Variants in AR observed in about 807,000 individuals in gnomAD.
AR encodes dihydrotestosterone receptor.
In AR, 8 loss-of-function variants were observed where a neutral mutation model predicts 53.9. The ratio of observed to expected loss-of-function variants is 0.15; its 90% confidence interval spans 0.09 to 0.27. The LOEUF is 0.27. Ranked by LOEUF, AR falls within the 10% of genes least tolerant of loss-of-function variation. AR has a pLI of 1.00. For missense variants in AR, 639 were observed against 742.5 expected, an observed-to-expected ratio of 0.86 and a Z score of 1.62; for synonymous variants, 359 against 316.4, an observed-to-expected ratio of 1.13 and a Z score of -1.43.
chrX:67,628,858 T>C (rs1924873469), intron 1 of AR, among the ~76,000 whole-genome samples: 1 of 111,850 alleles, frequency 8.9e-6, no homozygotes, highest in Non-Finnish European at 1.9e-5. Flanking sequence ...CGTTATTGAA[T>C]TTTGTCAAAG....
At chrX:67,555,313 A>T (rs896892411) in intron 1 of AR, among the ~76,000 whole-genome samples, 2 of 112,003 alleles carry the variant, frequency 1.8e-5, no homozygotes, top group African/African-American at 6.5e-5. Context: ...TAGATTAAAG[A>T]TCTTGATGTA....
intron 1 of AR, among the ~76,000 whole-genome samples, chrX:67,642,929 A>C (rs1433456222): frequency 8.9e-6 from 1 of 111,781 alleles, no homozygotes; most frequent in Non-Finnish European, 1.9e-5. Flanking sequence ...AATTAGTCTG[A>C]AAATGTTGCC....
chrX:67,578,542 A>G (rs1922154411), intron 1 of AR, among the ~76,000 whole-genome samples: 1 of 111,909 alleles, frequency 8.9e-6, no homozygotes, highest in Non-Finnish European at 1.9e-5. Context: ...TTAGTTTCAA[A>G]TAGTGGTTTT....
chrX:67,582,122 C>A (rs1922325204), intron 1 of AR, among the ~76,000 whole-genome samples: 1 of 112,167 alleles, frequency 8.9e-6, no homozygotes, highest in South Asian at 3.7e-4. Context: ...AGTATCATAT[C>A]TATTTTGCAA....
intron 1 of AR, among the ~76,000 whole-genome samples, chrX:67,580,235 C>A (rs755969914): frequency 1.8e-4 from 20 of 110,124 alleles, no homozygotes; most frequent in Non-Finnish European, 3.2e-4. Flanking sequence ...TCTGACCAAA[C>A]CCTAACGAAA....
At chrX:67,663,115 C>T (rs1285172605) in intron 2 of AR, among the ~76,000 whole-genome samples, 4 of 111,487 alleles carry the variant, frequency 3.6e-5, no homozygotes, top group Admixed American at 2.9e-4. Context: ...GAGCATTTAG[C>T]CCATTTACAT....
chrX:67,594,498 A>C (rs1922990240), intron 1 of AR, among the ~76,000 whole-genome samples: 1 of 112,507 alleles, frequency 8.9e-6, no homozygotes, highest in Non-Finnish European at 1.9e-5. Flanking sequence ...AGCACTAATT[A>C]AAACAAAAAC....
intron 1 of AR, among the ~76,000 whole-genome samples, chrX:67,591,671 G>A (rs1397087947): frequency 9.0e-6 from 1 of 111,235 alleles, no homozygotes; most frequent in East Asian, 2.9e-4. Context: ...TTATGTCTTA[G>A]AATCAATTAA....
chrX:67,708,582 G>T (rs964240103), intron 3 of AR, among the ~76,000 whole-genome samples: 1 of 111,503 alleles, frequency 9.0e-6, no homozygotes, highest in Non-Finnish European at 1.9e-5. Flanking sequence ...TTTGCGATGG[G>T]TTCAAACTTC....
At chrX:67,611,428 T>C (rs1198592426) in intron 1 of AR, among the ~76,000 whole-genome samples, 1 of 111,984 alleles carries the variant, frequency 8.9e-6, no homozygotes, top group East Asian at 2.8e-4. Context: ...GCTTTTCATC[T>C]GTTTCTTATT....
intron 2 of AR, among the ~76,000 whole-genome samples, chrX:67,651,975 A>G (rs771347637): frequency 5.4e-5 from 6 of 111,573 alleles, no homozygotes; most frequent in Non-Finnish European, 9.4e-5. Context: ...TGACCAAGCT[A>G]AAGAAAGAGC....
At chrX:67,583,968 A>G (rs759310364) in intron 1 of AR, among the ~76,000 whole-genome samples, 13 of 112,309 alleles carry the variant, frequency 1.2e-4, no homozygotes, top group Non-Finnish European at 2.3e-4. Context: ...CTGCTTATTC[A>G]CATAGTAAAC....
At chrX:67,597,124 CT>C (rs911490640) in intron 1 of AR, among the ~76,000 whole-genome samples, 16 of 111,667 alleles carry the variant, frequency 1.4e-4, no homozygotes, top group Non-Finnish European at 2.4e-4. Context: ...AGTCAAAAAC[CT>C]TTTTTTGCAC....
intron 3 of AR, among the ~76,000 whole-genome samples, chrX:67,706,109 T>C (rs2147518566): frequency 8.9e-6 from 1 of 111,796 alleles, no homozygotes; most frequent in Non-Finnish European, 1.9e-5. Context: ...AAAATTCTCT[T>C]TTTTTGTTGT....
At chrX:67,619,121 T>C (rs1185598576) in intron 1 of AR, among the ~76,000 whole-genome samples, 1 of 111,397 alleles carries the variant, frequency 9.0e-6, no homozygotes, top group African/African-American at 3.3e-5. Context: ...CAGAGGATTC[T>C]AATATATCAG....
At chrX:67,680,761 A>G (rs2075928566) in intron 2 of AR, 1 of 329,647 alleles carries the variant, frequency 3.0e-6, no homozygotes, top group African/African-American at 2.6e-5. Flanking sequence ...ATAATCAGAC[A>G]CTAACCCCAA....
intron 3 of AR, among the ~76,000 whole-genome samples, chrX:67,703,762 A>G (rs888856217): frequency 8.1e-5 from 9 of 111,369 alleles, no homozygotes; most frequent in African/African-American, 2.6e-4. Flanking sequence ...CCTTATTTAC[A>G]TTAAGTATAT....
rs201608270 is a variant in AR at position 67,711,529 on chromosome X, G to C, written c.2013G>C (p.Gln671His). Residue 671 changes from glutamine to histidine, a missense_variant, in exon 4 of 8, where the codon CAG becomes CAC. This residue lies in a region of AR where 47 missense variants were observed against 35.9 expected (regional missense o/e 1.31). Coordinates refer to ENST00000374690, the MANE Select transcript of AR (RefSeq NM_000044.6). The stretch of plus-strand genomic sequence containing the variant: ...CACACATTGAAGGCTATGAATGTCA[G>C]CCCATCTTTCTGAATGTCCTGGAAG... ...TVSHIEGYEC[Q>H]PIFLNVLEAI... The C allele has an allele frequency of 1.7e-6, 2 of 1,210,016 alleles. No homozygotes were observed. The highest frequency in any genetic ancestry group is 1.8e-5 in the South Asian group (1 of 56,735).
Position 67,640,151 on chromosome X carries a change from A to C in AR, c.1617-3105A>C, listed in dbSNP as rs1303998046. Among the ~76,000 whole-genome samples, 3 of 111,712 alleles carry C rather than the reference A, an allele frequency of 2.7e-5. No homozygotes were observed. The East Asian group carries it at 8.4e-4, about 31-fold the overall frequency. ...TTTGTGTATGTTGAACCAGCCTTGCATCCCAGGGGTGAAGCGGACTTGATC... is the reference window on the plus strand; with the variant it reads ...TTTGTGTATGTTGAACCAGCCTTGCCTCCCAGGGGTGAAGCGGACTTGATC... On this transcript the variant is annotated intron_variant, in intron 1 of 7. Transcript: ENST00000374690.
Sources: gnomAD v4.1 joint callset for allele counts (sites outside exome capture counted in the v4.1 genomes callset) on GRCh38, gnomAD v4.1.1 for gene constraint, gnomAD v4.1.1 regional missense constraint, MANE v1.5 for transcripts, NCBI Gene and HGNC (gene_info 2026-07-23, HGNC 2026-07-21) for gene names.